TEX36: variants seen among roughly 807,000 people sequenced by gnomAD.
TEX36 encodes testis-expressed protein 36.
TEX36 carries 12 observed loss-of-function variants against 13.6 expected under a neutral mutation model. The observed-to-expected ratio is 0.88, with a 90% CI of 0.56 to 1.43. The LOEUF is 1.43. Ranked by LOEUF, TEX36 falls within the 40% of genes most tolerant of loss-of-function variation. The pLI is 0.00. For missense variants in TEX36, 224 were observed against 228.3 expected (o/e 0.98, Z 0.12); for synonymous variants, 93 against 83.0 (o/e 1.12, Z -0.65).
At chr10:125,682,879 A>C in intron 1 of TEX36, 60 bp downstream of exon 1, 1 of 1,533,912 alleles carries the variant, frequency 6.5e-7, no homozygotes, top group East Asian at 2.4e-5. Context: ...GGAACTCCTC[A>C]GACTGTTGAC....
In TEX36 at chr10:125,643,638, A is replaced by G. The variant is rs528452185; in HGVS notation, c.264+17383T>C. 1.1e-4 allele frequency among the ~76,000 whole-genome samples: 16 copies of G among 152,150 alleles called. No homozygotes were observed. The South Asian group carries it at 3.3e-3, about 32-fold the overall frequency. ...GTGCCTGTAATGCCAGCTACTTGGG[A>G]GGCTGAGGCAGGAGAATGGCATGAA... On this transcript the variant is annotated intron_variant, in intron 3 of 3. Coordinates refer to the TEX36 transcript ENST00000526819.
chr10:125,617,253 G>C, downstream of TEX36, among the ~76,000 whole-genome samples: 1 of 151,858 alleles, frequency 6.6e-6, no homozygotes, highest in East Asian at 1.9e-4. Flanking sequence ...TTGCCAGTCT[G>C]TGTCTTTTAA....
intron 3 of TEX36, among the ~76,000 whole-genome samples, chr10:125,587,591 A>G (rs1480638965): frequency 1.3e-5 from 2 of 152,082 alleles, no homozygotes; most frequent in East Asian, 3.9e-4. Flanking sequence ...GATCAAGACC[A>G]ATCTGGCCAA....
chr10:125,629,946 T>C (rs1408846707), intron 3 of TEX36, among the ~76,000 whole-genome samples: 1 of 152,224 alleles, frequency 6.6e-6, no homozygotes, highest in Non-Finnish European at 1.5e-5. Flanking sequence ...TTCCAGTATG[T>C]ACACCTGCCC....
intron 3 of TEX36, among the ~76,000 whole-genome samples, chr10:125,616,177 T>C (rs925903421): frequency 6.6e-5 from 10 of 152,270 alleles, no homozygotes; most frequent in Admixed American, 5.9e-4. Flanking sequence ...TCTCTCTTTT[T>C]TTCTTTTTTA....
intron 3 of TEX36, among the ~76,000 whole-genome samples, chr10:125,632,855 G>A (rs1846574856): frequency 6.6e-6 from 1 of 152,208 alleles, no homozygotes; most frequent in East Asian, 1.9e-4. Context: ...CTGGCCAGGT[G>A]TGGTTCCCCT....
At chr10:125,632,149 T>C (rs528374027) in intron 3 of TEX36, among the ~76,000 whole-genome samples, 171 of 152,068 alleles carry the variant, frequency 1.1e-3, no homozygotes, top group Non-Finnish European at 2.1e-3. Context: ...CTTGGGGCTT[T>C]GGTGACTACA....
At chr10:125,585,515 C>G (rs1450324821) in intron 3 of TEX36, among the ~76,000 whole-genome samples, 1 of 152,182 alleles carries the variant, frequency 6.6e-6, no homozygotes, top group Non-Finnish European at 1.5e-5. Flanking sequence ...ATCAAAGAAA[C>G]TAGAACTCCT....
At chr10:125,671,419 G>A (rs538592812) in intron 1 of TEX36, among the ~76,000 whole-genome samples, 3 of 152,132 alleles carry the variant, frequency 2.0e-5, no homozygotes, top group Admixed American at 6.5e-5. Flanking sequence ...TTCTGTTCAT[G>A]TGATGAATTA....
intron 3 of TEX36, among the ~76,000 whole-genome samples, chr10:125,634,373 T>A (rs1352536082): frequency 6.6e-6 from 1 of 152,194 alleles, no homozygotes; most frequent in Non-Finnish European, 1.5e-5. Flanking sequence ...TAGGTTGTTA[T>A]GACAAGTTCT....
At chr10:125,665,257 C>T (rs527757735) in intron 1 of TEX36, among the ~76,000 whole-genome samples, 1 of 152,130 alleles carries the variant, frequency 6.6e-6, no homozygotes, top group South Asian at 2.1e-4. Context: ...AATATAGTTC[C>T]ATTTGTCTAT....
chr10:125,578,618 TGTC>T (rs1239605028), intron 3 of TEX36, among the ~76,000 whole-genome samples: 2 of 152,162 alleles, frequency 1.3e-5, no homozygotes, highest in Non-Finnish European at 2.9e-5. Context: ...TGGGGTACCT[TGTC>T]GTCCCTCCTC....
intron 3 of TEX36, among the ~76,000 whole-genome samples, chr10:125,582,241 T>A (rs1845892156): frequency 6.6e-6 from 1 of 152,160 alleles, no homozygotes. Context: ...CTAAGAAGAA[T>A]CATGAGTTTC....
Position 125,599,916 on chromosome 10 carries a change from C to A in TEX36, c.265-23042G>T, listed in dbSNP as rs1458015289. ...CTCAATGGAAGCTGTGCCTGTGAGA[C>A]CCCCAATCCCAGGCTCAGCCCTGCT... is the stretch of plus-strand genomic sequence containing the variant. On this transcript the variant is annotated intron_variant, in intron 3 of 3. Coordinates refer to the TEX36 transcript ENST00000532135. 2.6e-5 allele frequency among the ~76,000 whole-genome samples: 4 copies of A among 152,122 alleles called. No individual in the cohort carries two copies. In the East Asian group the frequency reaches 7.7e-4, roughly 29 times the overall value.
At chr10:125,580,704 A>T (rs1845871962) in intron 3 of TEX36, among the ~76,000 whole-genome samples, 1 of 152,274 alleles carries the variant, frequency 6.6e-6, no homozygotes, top group African/African-American at 2.4e-5. Context: ...GCAAGCTTCT[A>T]CTGACCTCAG....
Position 125,606,277 on chromosome 10 carries a change from T to C in TEX36, c.265-29403A>G, listed in dbSNP as rs370034896. Among the ~76,000 whole-genome samples the C allele has an allele frequency of 1.5e-4, 23 of 152,326 alleles. 1 individual carries two copies. Among genetic ancestry groups the C allele is most frequent in the African/African-American group, 5.5e-4 (23 of 41,578 alleles). On this transcript the variant is annotated intron_variant, in intron 3 of 3. Coordinates refer to the TEX36 transcript ENST00000532135. ...CAATAGATTCCTATGTTTTCAAACA[T>C]CTCTCCGAAAATCCAAACCGTAGAC...
intron 3 of TEX36, among the ~76,000 whole-genome samples, chr10:125,581,387 A>C (rs1845880216): frequency 6.6e-6 from 1 of 152,108 alleles, no homozygotes; most frequent in Non-Finnish European, 1.5e-5. Context: ...CTTCCTGGGT[A>C]ATTCATCCTC....
intron 1 of TEX36, among the ~76,000 whole-genome samples, chr10:125,670,765 T>C (rs544592334): frequency 1.3e-5 from 2 of 152,266 alleles, no homozygotes; most frequent in East Asian, 3.9e-4. Context: ...GAGTTAATTG[T>C]TGCATAAGGA....
intron 3 of TEX36, among the ~76,000 whole-genome samples, chr10:125,630,242 A>T (rs527467205): frequency 2.0e-5 from 3 of 152,192 alleles, no homozygotes; most frequent in African/African-American, 7.2e-5. Context: ...CCAGAACTTC[A>T]TGGTGTAAAA....
Sources: gnomAD v4.1 joint callset for allele counts (sites outside exome capture counted in the v4.1 genomes callset) on GRCh38, gnomAD v4.1.1 for gene constraint, MANE v1.5 for transcripts, NCBI Gene and HGNC (gene_info 2026-07-23, HGNC 2026-07-21) for gene names.